Variants in PSD3 observed in about 807,000 individuals in gnomAD.
PSD3 encodes pleckstrin and Sec7 domain containing 3.
Under a neutral mutation model 105.5 loss-of-function variants are expected in PSD3, and 49 were observed. That is an observed-to-expected ratio of 0.46 (90% confidence interval 0.37 to 0.59). The LOEUF is 0.59. PSD3 is among the 20% of genes least tolerant of loss of function. The pLI is 0.00. For missense variants in PSD3, 1,561 were observed against 1,263.8 expected, an observed-to-expected ratio of 1.24 and a Z score of -3.57; for synonymous variants, 557 against 457.8, an observed-to-expected ratio of 1.22 and a Z score of -2.77.
intron 1 of PSD3, among the ~76,000 whole-genome samples, chr8:18,983,797 G>A (rs895945140): frequency 1.3e-5 from 2 of 151,644 alleles, no homozygotes; most frequent in East Asian, 1.9e-4. Context: ...CCAGGAGCTG[G>A]AGACTAGCCA....
intron 4 of PSD3, among the ~76,000 whole-genome samples, chr8:18,862,118 G>A (rs1193865490): frequency 3.3e-5 from 5 of 152,148 alleles, no homozygotes; most frequent in African/African-American, 1.2e-4. Context: ...AGCTCCTACT[G>A]GGTACCGGAC....
chr8:18,745,218 T>C (rs187182678), intron 9 of PSD3, among the ~76,000 whole-genome samples: 2 of 152,300 alleles, frequency 1.3e-5, no homozygotes, highest in East Asian at 3.9e-4. Context: ...AAATATCCTG[T>C]TTCTTCCCTA....
At chr8:18,637,820 A>C (rs1807377725) in intron 10 of PSD3, among the ~76,000 whole-genome samples, 1 of 152,182 alleles carries the variant, frequency 6.6e-6, no homozygotes, top group South Asian at 2.1e-4. Context: ...ATCTGGAAGA[A>C]AGATTTCTGT....
intron 2 of PSD3, among the ~76,000 whole-genome samples, chr8:18,931,328 TA>T (rs534069683): frequency 1.1e-4 from 16 of 148,264 alleles, no homozygotes; most frequent in South Asian, 6.4e-4. Context: ...ACTTTACCTT[TA>T]AAAAAAAAAC....
At chr8:18,940,707 A>T (rs1488818274) in intron 1 of PSD3, among the ~76,000 whole-genome samples, 1 of 152,218 alleles carries the variant, frequency 6.6e-6, no homozygotes, top group Non-Finnish European at 1.5e-5. Context: ...GTAATGGCAC[A>T]TACTTACAGT....
At chr8:18,673,214 A>C (rs566600532) in intron 9 of PSD3, among the ~76,000 whole-genome samples, 1 of 145,004 alleles carries the variant, frequency 6.9e-6, no homozygotes, top group Non-Finnish European at 1.5e-5. Context: ...ACACACACAC[A>C]CACACCCACA....
intron 8 of PSD3, chr8:18,774,657 G>C (rs532805421): frequency 5.4e-4 from 198 of 368,542 alleles, no homozygotes; most frequent in Middle Eastern, 9.6e-4. Context: ...CATGATACAA[G>C]TATTCTTGGG....
chr8:18,649,067 G>A (rs1312352907), intron 10 of PSD3, among the ~76,000 whole-genome samples: 2 of 152,204 alleles, frequency 1.3e-5, no homozygotes, highest in Non-Finnish European at 2.9e-5. Context: ...GAAGAGAAAT[G>A]TGGGGTTGGT....
At chr8:18,625,965 A>G (rs1264646222) in intron 11 of PSD3, among the ~76,000 whole-genome samples, 1 of 152,118 alleles carries the variant, frequency 6.6e-6, no homozygotes, top group African/African-American at 2.4e-5. Context: ...ATGTTACATC[A>G]TATTGAGAAA....
At chr8:18,788,013 T>A (rs757947261) in intron 8 of PSD3, among the ~76,000 whole-genome samples, 3 of 152,174 alleles carry the variant, frequency 2.0e-5, no homozygotes, top group Non-Finnish European at 4.4e-5. Context: ...ATAATTGGTG[T>A]GAAGATGTAA....
chr8:18,579,507 T>C (rs1457656422), intron 12 of PSD3, among the ~76,000 whole-genome samples: 1 of 152,204 alleles, frequency 6.6e-6, no homozygotes, highest in Non-Finnish European at 1.5e-5. Flanking sequence ...TACATCGTTT[T>C]ATGTAACAGG....
At chr8:18,803,746 G>C (rs544683867) in intron 6 of PSD3, among the ~76,000 whole-genome samples, 18 of 151,782 alleles carry the variant, frequency 1.2e-4, no homozygotes, top group Admixed American at 5.9e-4. Flanking sequence ...AAGAGAAGTA[G>C]AATAGTGTTT....
chr8:18,844,052 C>T (rs1586200219), intron 4 of PSD3, among the ~76,000 whole-genome samples: 2 of 151,948 alleles, frequency 1.3e-5, no homozygotes, highest in African/African-American at 4.8e-5. Context: ...GAGTTCTGGT[C>T]CCACAAGACA....
chr8:18,746,432 A>T (rs1805028968), intron 9 of PSD3, among the ~76,000 whole-genome samples: 1 of 152,188 alleles, frequency 6.6e-6, no homozygotes, highest in Non-Finnish European at 1.5e-5. Context: ...GTGCAGTCTA[A>T]GAGTTCGGAA....
At chr8:18,735,534 A>G (rs1443134810) in intron 9 of PSD3, among the ~76,000 whole-genome samples, 1 of 152,168 alleles carries the variant, frequency 6.6e-6, no homozygotes, top group Non-Finnish European at 1.5e-5. Flanking sequence ...AAACATATTT[A>G]AGGCTGTAGT....
intron 1 of PSD3, among the ~76,000 whole-genome samples, chr8:19,050,713 C>T (rs1012786660): frequency 2.0e-5 from 3 of 152,102 alleles, no homozygotes; most frequent in Admixed American, 6.6e-5. Context: ...GGAGGGATAG[C>T]ATTAGGAGAT....
chr8:18,935,806 G>A (rs905248421), intron 2 of PSD3, among the ~76,000 whole-genome samples: 4 of 152,100 alleles, frequency 2.6e-5, no homozygotes, highest in Non-Finnish European at 5.9e-5. Context: ...ATCAGAAGCT[G>A]AGAATTCTTC....
At chr8:18,868,949 G>A (rs1454495074) in intron 3 of PSD3, among the ~76,000 whole-genome samples, 1 of 151,992 alleles carries the variant, frequency 6.6e-6, no homozygotes, top group Non-Finnish European at 1.5e-5. Context: ...CCTACAAATA[G>A]GAATAACATA....
intron 1 of PSD3, among the ~76,000 whole-genome samples, chr8:19,025,640 G>T (rs1342470479): frequency 3.3e-5 from 5 of 152,280 alleles, no homozygotes; most frequent in Non-Finnish European, 4.4e-5. Context: ...TGGCCACTTG[G>T]TCAGAAGTAC....
Sources: gnomAD v4.1 joint callset for allele counts (sites outside exome capture counted in the v4.1 genomes callset) on GRCh38, gnomAD v4.1.1 for gene constraint, MANE v1.5 for transcripts, NCBI Gene and HGNC (gene_info 2026-07-23, HGNC 2026-07-21) for gene names.